Variants in CDH12 observed in about 807,000 individuals in gnomAD.
CDH12 encodes the protein cadherin-12.
CDH12 carries 41 observed loss-of-function variants against 74.1 expected under a neutral mutation model. The ratio of observed to expected loss-of-function variants is 0.55; its 90% CI spans 0.43 to 0.72. The LOEUF (loss-of-function observed/expected upper bound fraction) is 0.72, where lower values mean the gene tolerates loss of function less well. Ranked by LOEUF, CDH12 falls within the 30% of genes least tolerant of loss-of-function variation. The probability of loss-of-function intolerance (pLI) is 0.00; values close to 1 mark genes in which losing one functional copy is unlikely to be tolerated. For synonymous variants in CDH12, 399 were observed against 355.0 expected (o/e 1.12, Z -1.39); for missense variants, 945 against 977.2 (o/e 0.97, Z 0.44).
intron 3 of CDH12, chr5:22,213,466 A>G (rs1751662162): frequency 6.6e-6 from 1 of 152,226 alleles, no homozygotes; most frequent in South Asian, 2.1e-4. Flanking sequence ...CTGTTGAAAT[A>G]CTGATTTCCT....
At chr5:21,936,861 A>G (rs200711179) in intron 6 of CDH12, among the ~76,000 whole-genome samples, 2 of 152,096 alleles carry the variant, frequency 1.3e-5, no homozygotes, top group Admixed American at 1.3e-4. Context: ...TCTCTCTCTT[A>G]CCTGCCACAG....
intron 3 of CDH12, among the ~76,000 whole-genome samples, chr5:22,268,466 TC>T (rs1248994034): frequency 6.6e-6 from 1 of 152,110 alleles, no homozygotes; most frequent in Non-Finnish European, 1.5e-5. Context: ...CAGAATTGTA[TC>T]TTTATAGTCA....
chr5:22,575,721 C>T (rs1400859371), intron 1 of CDH12, among the ~76,000 whole-genome samples: 1 of 152,020 alleles, frequency 6.6e-6, no homozygotes, highest in Non-Finnish European at 1.5e-5. Flanking sequence ...TGTGCCACCA[C>T]TCCTTTCTAA....
chr5:22,235,977 G>A (rs1280725957), intron 3 of CDH12, among the ~76,000 whole-genome samples: 1 of 152,146 alleles, frequency 6.6e-6, no homozygotes, highest in Non-Finnish European at 1.5e-5. Flanking sequence ...AATAATGTAG[G>A]CAATTGTAAC....
intron 1 of CDH12, among the ~76,000 whole-genome samples, chr5:22,815,367 C>A (rs901766999): frequency 6.6e-6 from 1 of 152,106 alleles, no homozygotes; most frequent in Admixed American, 6.5e-5. Context: ...CTTATGAAAT[C>A]TCTCCCTTTG....
chr5:21,949,537 A>C (rs1755739523), intron 6 of CDH12, among the ~76,000 whole-genome samples: 1 of 151,926 alleles, frequency 6.6e-6, no homozygotes, highest in Non-Finnish European at 1.5e-5. Context: ...TTGTTATGAT[A>C]GGAGATGTCA....
intron 1 of CDH12, among the ~76,000 whole-genome samples, chr5:22,648,396 C>T (rs892834555): frequency 6.6e-6 from 1 of 151,896 alleles, no homozygotes; most frequent in East Asian, 1.9e-4. Flanking sequence ...CAACTGCTTT[C>T]TTATACCTAA....
At chr5:22,538,565 G>C (rs1737966168) in intron 1 of CDH12, among the ~76,000 whole-genome samples, 1 of 152,190 alleles carries the variant, frequency 6.6e-6, no homozygotes, top group Admixed American at 6.5e-5. Context: ...ATTGTTTCGA[G>C]ACATTGCCAA....
At chr5:22,763,439 G>A (rs1561013829) in intron 1 of CDH12, among the ~76,000 whole-genome samples, 1 of 151,896 alleles carries the variant, frequency 6.6e-6, no homozygotes, top group Non-Finnish European at 1.5e-5. Flanking sequence ...ACATAACTGA[G>A]TATTTTTTAA....
Position 22,568,092 on chromosome 5 carries a change from A to G in CDH12, c.-522-62728T>C, listed in dbSNP as rs531834614. Reference sequence around the variant, plus strand: ...ATATAGAAGACTTTGACTTTTTACTAAGGCACTGGAAAACCTAAGAACTGG... The same window carrying G: ...ATATAGAAGACTTTGACTTTTTACTGAGGCACTGGAAAACCTAAGAACTGG... On this transcript the variant is annotated intron_variant, in intron 1 of 14. Coordinates refer to ENST00000382254, the MANE Select transcript of CDH12 (RefSeq NM_004061.5). 5.9e-5 allele frequency among the ~76,000 whole-genome samples: 9 copies of G among 152,332 alleles called. No individual in the cohort carries two copies. The East Asian group carries it at 1.2e-3, about 20-fold the overall frequency.
chr5:22,792,409 A>G lies in CDH12; in HGVS notation c.-523+60649T>C, dbSNP rs1285869219. ...CGGCCTGAGCTCCCTTTTGATTGCA[A>G]TTTGGCTTACTGCATATTACTTTGA... is the stretch of plus-strand genomic sequence containing the variant. On this transcript the variant is annotated intron_variant, in intron 1 of 14. Transcript: ENST00000382254. Among the ~76,000 whole-genome samples the G allele has an allele frequency of 2.0e-5, 3 of 152,178 alleles. No individual in the cohort carries two copies. The South Asian group carries it at 6.2e-4, about 32-fold the overall frequency.
intron 11 of CDH12, 37 bp downstream of exon 11, chr5:21,783,321 T>G: frequency 6.3e-7 from 1 of 1,579,946 alleles, no homozygotes; most frequent in South Asian, 1.1e-5. Context: ...TCCAAAGAAC[T>G]GCAGTATAAC....
intron 1 of CDH12, among the ~76,000 whole-genome samples, chr5:22,636,717 T>C (rs1738859941): frequency 6.6e-6 from 1 of 152,226 alleles, no homozygotes; most frequent in South Asian, 2.1e-4. Flanking sequence ...GAAAGGGTGA[T>C]GAAAATATTT....
chr5:21,969,080 A>C (rs1233012452), intron 6 of CDH12, among the ~76,000 whole-genome samples: 4 of 152,070 alleles, frequency 2.6e-5, no homozygotes, highest in Non-Finnish European at 4.4e-5. Context: ...CCACCCTGGC[A>C]CATGTTTATC....
At chr5:21,761,316 G>T (rs1744705615) in intron 12 of CDH12, among the ~76,000 whole-genome samples, 1 of 152,076 alleles carries the variant, frequency 6.6e-6, no homozygotes, top group African/African-American at 2.4e-5. Flanking sequence ...TCAATAAAAT[G>T]CCCTTAAATA....
intron 4 of CDH12, among the ~76,000 whole-genome samples, chr5:22,173,170 G>A (rs1749131814): frequency 6.7e-6 from 1 of 150,024 alleles, no homozygotes; most frequent in South Asian, 2.1e-4. Context: ...AGTGGTGGTG[G>A]CCTGTGTGTA....
At chr5:21,859,261 A>C (rs1750907824) in intron 6 of CDH12, among the ~76,000 whole-genome samples, 1 of 151,948 alleles carries the variant, frequency 6.6e-6, no homozygotes, top group South Asian at 2.1e-4. Context: ...AGCCCTCAGG[A>C]AACTTACAAT....
intron 1 of CDH12, among the ~76,000 whole-genome samples, chr5:22,658,589 T>C (rs1740183288): frequency 6.6e-6 from 1 of 152,092 alleles, no homozygotes; most frequent in African/African-American, 2.4e-5. Context: ...CATTTTACTT[T>C]TTGCTTGTCT....
intron 2 of CDH12, among the ~76,000 whole-genome samples, chr5:22,426,349 T>C (rs1743938650): frequency 6.6e-6 from 1 of 151,884 alleles, no homozygotes. Context: ...TATTGTTGTG[T>C]TTGTTTGTTA....
Sources: allele counts gnomAD v4.1 joint callset (sites outside exome capture counted in the v4.1 genomes callset), GRCh38; gene constraint gnomAD v4.1.1; transcripts MANE v1.5; gene names NCBI Gene and HGNC (gene_info 2026-07-23, HGNC 2026-07-21).